Variants in ANKS1B observed in about 807,000 individuals in gnomAD.
The protein encoded by ANKS1B is ankyrin repeat and sterile alpha motif domain-containing protein 1B.
A neutral mutation model predicts 148.3 loss-of-function variants in ANKS1B; 36 were observed. That is an observed-to-expected ratio of 0.24 (90% CI 0.19 to 0.32). The LOEUF (loss-of-function observed/expected upper bound fraction) is 0.32. ANKS1B is among the 10% of genes least tolerant of loss of function. The pLI, the probability that ANKS1B is intolerant of heterozygous loss-of-function variation, is 1.00. For synonymous variants in ANKS1B, 542 were observed against 560.8 expected, an observed-to-expected ratio of 0.97 and a Z score of 0.47; for missense variants, 1,157 against 1,542.6, an observed-to-expected ratio of 0.75 and a Z score of 4.19.
chr12:99,712,352 A>C (rs10778008), intron 8 of ANKS1B, among the ~76,000 whole-genome samples: 100,832 of 151,950 alleles, frequency 0.66, 33,560 homozygotes, highest in Non-Finnish European at 0.69. Context: ...TTTACCATAA[A>C]CACACATCAC....
intron 17 of ANKS1B, among the ~76,000 whole-genome samples, chr12:98,841,683 TGTTAAGGTTAAAAGAAA>T (rs1462791190): frequency 1.3e-5 from 2 of 151,940 alleles, no homozygotes; most frequent in Admixed American, 1.3e-4. Context: ...GCAAAAAGGA[TGTTAAGGTTAAAAGAAA>T]GTATTATAAG....
chr12:98,996,850 A>G (rs1285822426), intron 17 of ANKS1B, among the ~76,000 whole-genome samples: 3 of 145,780 alleles, frequency 2.1e-5, no homozygotes, highest in African/African-American at 5.1e-5. Context: ...AAGAATTACC[A>G]TGTGAATGAT....
chr12:99,249,745 C>T (rs558962771), intron 12 of ANKS1B, among the ~76,000 whole-genome samples: 2 of 152,264 alleles, frequency 1.3e-5, no homozygotes, highest in South Asian at 2.1e-4. Context: ...TCCCTCACAG[C>T]GTGGCCATGT....
intron 14 of ANKS1B, among the ~76,000 whole-genome samples, chr12:99,211,862 G>A (rs547280704): frequency 2.0e-5 from 3 of 152,262 alleles, no homozygotes; most frequent in African/African-American, 7.2e-5. Context: ...AGCAACCCAA[G>A]CAGACAGTTT....
chr12:99,597,154 C>T (rs907944421), intron 9 of ANKS1B, among the ~76,000 whole-genome samples: 7 of 151,760 alleles, frequency 4.6e-5, no homozygotes, highest in Middle Eastern at 3.4e-3. Flanking sequence ...ATCTGTATTG[C>T]TCTAATGACT....
chr12:98,814,457 G>A (rs1184830274), intron 19 of ANKS1B, among the ~76,000 whole-genome samples: 1 of 152,168 alleles, frequency 6.6e-6, no homozygotes, highest in Non-Finnish European at 1.5e-5. Flanking sequence ...TGCCACTTGT[G>A]CCTTTCATAA....
At chr12:99,721,482 A>G (rs1191672741) in intron 8 of ANKS1B, among the ~76,000 whole-genome samples, 2 of 152,166 alleles carry the variant, frequency 1.3e-5, no homozygotes, top group Admixed American at 1.3e-4. Flanking sequence ...GTCTTGTGAA[A>G]TTCCTTCTCC....
intron 10 of ANKS1B, among the ~76,000 whole-genome samples, chr12:99,464,378 A>T (rs1021861788): frequency 5.9e-5 from 9 of 152,384 alleles, no homozygotes; most frequent in African/African-American, 2.2e-4. Flanking sequence ...CCTAAAAAGC[A>T]GAGCACCTCT....
intron 14 of ANKS1B, among the ~76,000 whole-genome samples, chr12:99,173,419 A>C (rs2078015047): frequency 6.6e-6 from 1 of 152,286 alleles, no homozygotes; most frequent in East Asian, 1.9e-4. Context: ...AAGTGGGATA[A>C]ATTTTCAGAG....
At chr12:99,045,943 G>C (rs1347563338) in intron 17 of ANKS1B, among the ~76,000 whole-genome samples, 3 of 152,134 alleles carry the variant, frequency 2.0e-5, no homozygotes, top group Non-Finnish European at 4.4e-5. Context: ...GTATTAGAGA[G>C]CAGGGAGTTC....
chr12:99,794,460 TACAC>T (rs148663206), intron 4 of ANKS1B, among the ~76,000 whole-genome samples: 146 of 143,610 alleles, frequency 1.0e-3, no homozygotes, highest in African/African-American at 3.0e-3. Flanking sequence ...GAAAATGTGG[TACAC>T]ACACACACAC....
chr12:99,327,110 A>C (rs1319852222), intron 12 of ANKS1B, among the ~76,000 whole-genome samples: 2 of 127,008 alleles, frequency 1.6e-5, no homozygotes, highest in African/African-American at 6.0e-5. Context: ...AATATATATT[A>C]ATATAACTAA....
intron 15 of ANKS1B, among the ~76,000 whole-genome samples, 182 bp from the exon 16 acceptor site, chr12:99,085,205 G>T (rs755064910): frequency 6.6e-6 from 1 of 152,132 alleles, no homozygotes; most frequent in Non-Finnish European, 1.5e-5. Context: ...GTGAAGTCTA[G>T]GAGAAAGCTC....
intron 12 of ANKS1B, among the ~76,000 whole-genome samples, chr12:99,280,569 T>C (rs540691430): frequency 1.3e-5 from 2 of 152,306 alleles, no homozygotes; most frequent in African/African-American, 4.8e-5. Context: ...AGGGTGTTTC[T>C]GGATGGGACT....
chr12:99,627,574 C>T (rs1406751574), intron 9 of ANKS1B, among the ~76,000 whole-genome samples: 2 of 152,132 alleles, frequency 1.3e-5, no homozygotes, highest in South Asian at 2.1e-4. Flanking sequence ...AGCAAAGATG[C>T]TTTTTACACT....
chr12:99,204,757 G>A (rs1492245), intron 14 of ANKS1B, among the ~76,000 whole-genome samples: 45,576 of 152,086 alleles, frequency 0.3, 8,427 homozygotes, highest in East Asian at 0.61. Flanking sequence ...TTGATAAGCC[G>A]TTGCTAAGGC....
chr12:99,101,673 T>C (rs933926028), intron 15 of ANKS1B, among the ~76,000 whole-genome samples: 1 of 152,218 alleles, frequency 6.6e-6, no homozygotes, highest in Non-Finnish European at 1.5e-5. Flanking sequence ...GCAATTATTG[T>C]GCCTCAGCCT....
At chr12:98,874,797 C>T (rs1022210784) in intron 17 of ANKS1B, among the ~76,000 whole-genome samples, 6 of 152,088 alleles carry the variant, frequency 3.9e-5, no homozygotes, top group African/African-American at 1.4e-4. Flanking sequence ...AAATTAATAA[C>T]ACTGAAAAGT....
Position 99,246,265 on chromosome 12 carries a change from C to A in ANKS1B, c.2346+10G>T. The A allele has an allele frequency of 6.5e-7, 1 of 1,540,780 alleles. No homozygotes were observed. Among genetic ancestry groups the A allele is most frequent in the Non-Finnish European group, 8.7e-7 (1 of 1,143,528 alleles). ...CTTATAGGATGAACAGCAAGAAGAACAAAGCTTACTTCTTCCCATTCCGAT... is the reference window on the plus strand; with the variant it reads ...CTTATAGGATGAACAGCAAGAAGAAAAAAGCTTACTTCTTCCCATTCCGAT... On this transcript the variant is annotated intron_variant, in intron 13 of 26. Coordinates refer to ENST00000683438, the MANE Select transcript of ANKS1B (RefSeq NM_001352186.2).
Sources: gnomAD v4.1 joint callset for allele counts (sites outside exome capture counted in the v4.1 genomes callset) on GRCh38, gnomAD v4.1.1 for gene constraint, MANE v1.5 for transcripts, NCBI Gene and HGNC (gene_info 2026-07-23, HGNC 2026-07-21) for gene names.